Variants in IGFL4 observed in about 807,000 individuals in gnomAD.
IGFL4 encodes the protein IGF like family member 4.
Under a neutral mutation model 15.4 loss-of-function variants are expected in IGFL4, and 12 were observed. The observed-to-expected ratio is 0.78, with a 90% CI of 0.50 to 1.26. The LOEUF (loss-of-function observed/expected upper bound fraction) is 1.26. Ranked by LOEUF, IGFL4 falls within the 50% of genes most tolerant of loss-of-function variation. The probability of loss-of-function intolerance (pLI) is 0.00; values close to 1 mark genes in which losing one functional copy is unlikely to be tolerated. For synonymous variants in IGFL4, 54 were observed against 55.9 expected (o/e 0.97, Z 0.16); for missense variants, 126 against 147.8 (o/e 0.85, Z 0.76).
chr19:46,054,119 C>A (rs1190583987), intron 2 of IGFL4, among the ~76,000 whole-genome samples: 1 of 151,752 alleles, frequency 6.6e-6, no homozygotes, highest in African/African-American at 2.4e-5. Flanking sequence ...TGATATAATC[C>A]CATTTATTTA....
intron 1 of IGFL4, among the ~76,000 whole-genome samples, chr19:46,071,463 T>C (rs1315600618): frequency 2.0e-5 from 3 of 152,174 alleles, no homozygotes; most frequent in South Asian, 4.1e-4. Context: ...CAAATAAACA[T>C]AAACACACGA....
chr19:46,040,076 C>T lies in IGFL4; in HGVS notation c.330+81G>A. 1 of 1,564,716 alleles carries T rather than the reference C, an allele frequency of 6.4e-7. No individual in the cohort carries two copies. Among genetic ancestry groups the T allele is most frequent in the Non-Finnish European group, 8.8e-7 (1 of 1,137,568 alleles). On this transcript the variant is annotated intron_variant, in intron 3 of 3. Coordinates refer to ENST00000377697, the MANE Select transcript of IGFL4 (RefSeq NM_001002923.3). The surrounding 1 kb of genome is among the most constrained non-coding windows in gnomAD (Gnocchi z 4.1). ...AAGGTATGGAACCCAGCAGAGACTG[C>T]ACATCTGGGTGGGACATGGACAACC...
At chr19:46,067,009 A>G (rs1442027569) in intron 1 of IGFL4, among the ~76,000 whole-genome samples, 1 of 152,140 alleles carries the variant, frequency 6.6e-6, no homozygotes, top group Admixed American at 6.5e-5. Flanking sequence ...TTCTCACTGG[A>G]GAGATTTGGG....
intron 1 of IGFL4, among the ~76,000 whole-genome samples, chr19:46,066,723 G>T (rs895373057): frequency 6.6e-6 from 1 of 152,128 alleles, no homozygotes. Context: ...ACCAGATCTT[G>T]CAAGAACCCA....
chr19:46,072,213 C>T (rs1334199490), intron 1 of IGFL4, among the ~76,000 whole-genome samples: 1 of 152,152 alleles, frequency 6.6e-6, no homozygotes, highest in Non-Finnish European at 1.5e-5. Flanking sequence ...GAGTGAACAC[C>T]TGGATATTTG....
rs1326520947 is a variant in IGFL4 at position 46,040,223 on chromosome 19, C to T, written c.264G>A (p.Val88=). 1 of 1,614,146 alleles carries T rather than the reference C, an allele frequency of 6.2e-7. No homozygotes were observed. Among genetic ancestry groups the T allele is most frequent in the African/African-American group, 1.3e-5 (1 of 75,034 alleles). ...ESLGSQNQTV[V]RFKVPGMKPD... ...GCTTCATGCCTGGGACCTTGAACCT[C>T]ACAACTGTCTGGTTCTGAGAGCCCA... The change falls in exon 3 of 4, where the codon GTG becomes GTA. Residue 88 remains valine (V), a synonymous_variant. Coordinates refer to ENST00000377697, the MANE Select transcript of IGFL4 (RefSeq NM_001002923.3). The surrounding 1 kb of genome is among the most constrained non-coding windows in gnomAD (Gnocchi z 4.1).
chr19:46,068,070 C>T (rs192374511), intron 1 of IGFL4, among the ~76,000 whole-genome samples: 18 of 152,346 alleles, frequency 1.2e-4, no homozygotes, highest in Admixed American at 2.0e-4. Context: ...CAGGCTGAAG[C>T]GGGGAGAGAG....
At chr19:46,046,995 A>AATCAGAAGT (rs977053029) in intron 2 of IGFL4, among the ~76,000 whole-genome samples, 1 of 152,230 alleles carries the variant, frequency 6.6e-6, no homozygotes, top group African/African-American at 2.4e-5. Context: ...TTGATCACAA[A>AATCAGAAGT]ATCAGAAGTA....
rs1171696387 is a variant in IGFL4 at position 46,040,945 on chromosome 19, A to G, written c.18T>C (p.Ser6=). Residue 6 remains serine, a splice_region_variant and synonymous_variant, in exon 1 of 4, where the codon TCT becomes TCC. Transcript: ENST00000377697. This position sits in a 1 kb window ranked among gnomAD's most constrained non-coding sequence, Gnocchi z 4.1. MVPRI[S]AAIFIFELLG... ...AGCCTAGGGCTGGGGTCTCCTTACC[A>G]GAAATTCTGGGCACCATGGGTTAGG... 1.1e-5 allele frequency: 18 copies of G among 1,590,856 alleles called. No homozygotes were observed. The highest frequency in any genetic ancestry group is 1.4e-5 in the Non-Finnish European group (16 of 1,170,410).
chr19:46,055,440 A>G (rs934399852), intron 2 of IGFL4, among the ~76,000 whole-genome samples: 1 of 152,128 alleles, frequency 6.6e-6, no homozygotes, highest in Non-Finnish European at 1.5e-5. Flanking sequence ...TTAGCCTCCC[A>G]TGGCTGGATT....
chr19:46,042,107 TTTG>T (rs1343437936), upstream of IGFL4, among the ~76,000 whole-genome samples: 1 of 18,192 alleles, frequency 5.5e-5, no homozygotes, highest in Non-Finnish European at 9.5e-5. Flanking sequence ...GTGCATTGAT[TTTG>T]TTGTTGTTGT....
chr19:46,052,258 CAAT>C (rs966676632), intron 2 of IGFL4, among the ~76,000 whole-genome samples: 17 of 152,024 alleles, frequency 1.1e-4, no homozygotes, highest in East Asian at 3.8e-4. Context: ...TAATAGATCT[CAAT>C]AAATTTAAAA....
chr19:46,065,644 C>T (rs1969487801), intron 1 of IGFL4, among the ~76,000 whole-genome samples: 1 of 152,206 alleles, frequency 6.6e-6, no homozygotes, highest in African/African-American at 2.4e-5. Context: ...GATCCCTCTG[C>T]AGATATTAAG....
intron 2 of IGFL4, among the ~76,000 whole-genome samples, chr19:46,050,095 C>G (rs1394318676): frequency 6.6e-6 from 1 of 152,184 alleles, no homozygotes; most frequent in African/African-American, 2.4e-5. Context: ...TCTCAGGAAG[C>G]CCCATCCCTA....
intron 2 of IGFL4, among the ~76,000 whole-genome samples, chr19:46,057,486 T>G (rs1969403890): frequency 6.6e-6 from 1 of 152,128 alleles, no homozygotes. Flanking sequence ...ATAATAATAA[T>G]TATTATTTTT....
chr19:46,072,570 G>T (rs2041988), intron 1 of IGFL4, among the ~76,000 whole-genome samples: 151,685 of 152,348 alleles, frequency 1, 75,524 homozygotes, highest in Middle Eastern at 1. Flanking sequence ...TCACAGTTTC[G>T]GTAGAAATTA....
At position 46,040,312 on chromosome 19, in the gene IGFL4, T is replaced by C. The variant is rs751885343; in HGVS notation, c.175A>G (p.Thr59Ala). Reference sequence around the variant, plus strand: ...GTGCAGCTGGAGCCGCAGAGCCGGGTCTGGTTCAAGTCTAGGATGACACCG... The same window carrying C: ...GTGCAGCTGGAGCCGCAGAGCCGGGCCTGGTTCAAGTCTAGGATGACACCG... ...DDGVILDLNQTRLCGSSCTFW... is the reference protein window; with the variant it reads ...DDGVILDLNQARLCGSSCTFW... Residue 59 changes from threonine (T) to alanine (A), a missense_variant, in exon 3 of 4, where the codon ACC becomes GCC. By Grantham distance (58) the Thr-to-Ala change is moderately conservative. Coordinates refer to ENST00000377697, the MANE Select transcript of IGFL4 (RefSeq NM_001002923.3). This position sits in a 1 kb window ranked among gnomAD's most constrained non-coding sequence, Gnocchi z 4.1. 2 of 1,614,074 alleles carry C rather than the reference T, an allele frequency of 1.2e-6. No individual in the cohort carries two copies. The highest frequency in any genetic ancestry group is 1.7e-6 in the Non-Finnish European group (2 of 1,180,014).
At chr19:46,055,849 T>C (rs1969388203) in intron 2 of IGFL4, among the ~76,000 whole-genome samples, 2 of 152,184 alleles carry the variant, frequency 1.3e-5, no homozygotes, top group Non-Finnish European at 1.5e-5. Context: ...TGATCTTGGC[T>C]CACTGCAGGC....
At chr19:46,067,747 G>A (rs1008987550) in intron 1 of IGFL4, among the ~76,000 whole-genome samples, 1 of 152,126 alleles carries the variant, frequency 6.6e-6, no homozygotes, top group Non-Finnish European at 1.5e-5. Flanking sequence ...TTGGCAGCCA[G>A]GTTTGTTTCT....
Sources: allele counts gnomAD v4.1 joint callset (sites outside exome capture counted in the v4.1 genomes callset), GRCh38; gene constraint gnomAD v4.1.1; non-coding constraint Gnocchi (gnomAD v3.1); transcripts MANE v1.5; gene names NCBI Gene and HGNC (gene_info 2026-07-23, HGNC 2026-07-21).